LINGO2: variants seen among roughly 807,000 people sequenced by gnomAD.
LINGO2 encodes the protein leucine-rich repeat and immunoglobulin-like domain-containing nogo receptor-interacting protein 2.
Under a neutral mutation model 30.6 loss-of-function variants are expected in LINGO2, and 14 were observed. The ratio of observed to expected loss-of-function variants is 0.46; its 90% confidence interval spans 0.30 to 0.72. The LOEUF (loss-of-function observed/expected upper bound fraction) is 0.72, where lower values mean the gene tolerates loss of function less well. Among genes scored for constraint, LINGO2 ranks in the 30% least tolerant of loss-of-function variants. The pLI is 0.07. For missense variants in LINGO2, 729 were observed against 751.7 expected (o/e 0.97, Z 0.35); for synonymous variants, 317 against 288.5 (o/e 1.10, Z -1.00).
the LINGO2 span, among the ~76,000 whole-genome samples, chr9:29,068,675 G>A: frequency 6.6e-6 from 1 of 151,772 alleles, no homozygotes; most frequent in East Asian, 1.9e-4. Flanking sequence ...ATGAAAGATC[G>A]CTTAGTTAAT....
chr9:28,599,884 A>T (rs768407355), intron 1 of LINGO2, among the ~76,000 whole-genome samples: 125 of 152,316 alleles, frequency 8.2e-4, no homozygotes, highest in Non-Finnish European at 2.8e-4. Flanking sequence ...GCAAGGAAAC[A>T]AGAGAAACCA....
rs72722838 is a variant in LINGO2 at position 27,967,775 on chromosome 9, T to C, written c.-35-17069A>G. On this transcript the variant is annotated intron_variant, in intron 5 of 5. Coordinates refer to ENST00000379992, the Ensembl canonical transcript of LINGO2. ...CATAGTAAGGTTTAACTCTGACCTT[T>C]GTTAATGTAATCCTTTTCCAGATAC... is the stretch of plus-strand genomic sequence containing the variant. Among the ~76,000 whole-genome samples the C allele has an allele frequency of 1.7e-3, 254 of 152,258 alleles. 1 individual carries two copies. The highest frequency in any genetic ancestry group is 2.6e-3 in the Non-Finnish European group (180 of 68,012).
chr9:28,817,178 G>A, the LINGO2 span, among the ~76,000 whole-genome samples: 2 of 151,888 alleles, frequency 1.3e-5, no homozygotes, highest in African/African-American at 4.8e-5. Context: ...TCAGAAAAAA[G>A]AGAAAACTTT....
At chr9:28,191,432 C>T (rs936020976) in intron 4 of LINGO2, among the ~76,000 whole-genome samples, 2 of 152,088 alleles carry the variant, frequency 1.3e-5, no homozygotes, top group African/African-American at 4.8e-5. Context: ...CATTTTCTAA[C>T]CAGCATCTCA....
chr9:28,318,396 G>A (rs900671708), intron 3 of LINGO2, among the ~76,000 whole-genome samples: 3 of 152,026 alleles, frequency 2.0e-5, no homozygotes, highest in East Asian at 1.9e-4. Context: ...ATTTCTGTTT[G>A]GGAGAAGAAA....
At chr9:28,429,300 G>A (rs896334278) in intron 2 of LINGO2, among the ~76,000 whole-genome samples, 2 of 152,010 alleles carry the variant, frequency 1.3e-5, no homozygotes, top group Non-Finnish European at 2.9e-5. Context: ...AACCTCACAA[G>A]AGTTTTAAAA....
At chr9:28,863,249 T>G in the LINGO2 span, among the ~76,000 whole-genome samples, 1 of 152,118 alleles carries the variant, frequency 6.6e-6, no homozygotes, top group Non-Finnish European at 1.5e-5. Context: ...TTGGGCATAA[T>G]AATCCAAATA....
chr9:28,784,345 A>C, the LINGO2 span, among the ~76,000 whole-genome samples: 25,698 of 152,148 alleles, frequency 0.17, 2,769 homozygotes, highest in East Asian at 0.36. Context: ...TTGCAGAAAG[A>C]AGCTCTGGTA....
intron 4 of LINGO2, among the ~76,000 whole-genome samples, chr9:28,249,675 T>C (rs1019242944): frequency 5.9e-5 from 9 of 152,188 alleles, no homozygotes; most frequent in African/African-American, 2.2e-4. Flanking sequence ...GAAAATTTTA[T>C]AGCAATGCTT....
At chr9:29,109,785 G>A in the LINGO2 span, among the ~76,000 whole-genome samples, 1 of 152,210 alleles carries the variant, frequency 6.6e-6, no homozygotes, top group Admixed American at 6.5e-5. Flanking sequence ...TATTAGCTAA[G>A]TTGGTGATTT....
chr9:29,082,540 A>C, the LINGO2 span, among the ~76,000 whole-genome samples: 1 of 152,172 alleles, frequency 6.6e-6, no homozygotes, highest in East Asian at 1.9e-4. Context: ...TCATTTCTAA[A>C]ACACCAAAAG....
At chr9:28,362,218 G>A (rs1316677948) in intron 3 of LINGO2, among the ~76,000 whole-genome samples, 5 of 151,762 alleles carry the variant, frequency 3.3e-5, no homozygotes, top group South Asian at 2.1e-4. Context: ...GTGTGTATGT[G>A]TGTGTGTGTG....
At chr9:28,146,280 T>C (rs760522886) in intron 4 of LINGO2, among the ~76,000 whole-genome samples, 1 of 152,192 alleles carries the variant, frequency 6.6e-6, no homozygotes, top group Non-Finnish European at 1.5e-5. Flanking sequence ...AAATCCCTGC[T>C]TTCATGCTGT....
At chr9:28,950,379 C>T in the LINGO2 span, among the ~76,000 whole-genome samples, 24,994 of 151,924 alleles carry the variant, frequency 0.16, 2,087 homozygotes, top group South Asian at 0.2. Flanking sequence ...AACATAATAT[C>T]GGAAGTTCTG....
chr9:29,180,386 C>T, the LINGO2 span, among the ~76,000 whole-genome samples: 1 of 152,158 alleles, frequency 6.6e-6, no homozygotes, highest in Non-Finnish European at 1.5e-5. Flanking sequence ...TATTTTCAAG[C>T]TTGGTTGAAT....
intron 4 of LINGO2, among the ~76,000 whole-genome samples, chr9:28,095,785 G>C (rs954426014): frequency 2.0e-5 from 3 of 152,070 alleles, no homozygotes; most frequent in Admixed American, 2.0e-4. Context: ...CCTACAAAAC[G>C]GGAGAAAATT....
chr9:28,111,524 G>C (rs1324105504), intron 4 of LINGO2, among the ~76,000 whole-genome samples: 2 of 152,040 alleles, frequency 1.3e-5, no homozygotes, highest in African/African-American at 4.8e-5. Context: ...CAGCTGTTTT[G>C]TTGACTTATA....
chr9:28,248,572 A>T (rs1361072702), intron 4 of LINGO2, among the ~76,000 whole-genome samples: 1 of 152,176 alleles, frequency 6.6e-6, no homozygotes, highest in Non-Finnish European at 1.5e-5. Context: ...GGGGGACTGT[A>T]GTCAATAATA....
chr9:27,939,615 C>T, the LINGO2 span: 1 of 152,196 alleles, frequency 6.6e-6, no homozygotes, highest in Non-Finnish European at 1.5e-5. Context: ...ACTCTGGATG[C>T]CACAGTATGG....
Sources: allele counts gnomAD v4.1 joint callset (sites outside exome capture counted in the v4.1 genomes callset), GRCh38; gene constraint gnomAD v4.1.1; transcripts MANE v1.5; gene names NCBI Gene and HGNC (gene_info 2026-07-23, HGNC 2026-07-21).